The following FSTL5 variants were observed in gnomAD, a reference collection of about 807,000 sequenced individuals.
FSTL5 encodes the protein follistatin-related protein 5.
Under a neutral mutation model 89.1 loss-of-function variants are expected in FSTL5, and 62 were observed. That is an observed-to-expected ratio of 0.70 (90% CI 0.57 to 0.86). The LOEUF (loss-of-function observed/expected upper bound fraction) is 0.86. Among genes scored for constraint, FSTL5 ranks in the 40% least tolerant of loss-of-function variants. The pLI, the probability that FSTL5 is intolerant of heterozygous loss-of-function variation, is 0.00. For missense variants in FSTL5, 1,057 were observed against 1,001.6 expected (o/e 1.06, Z -0.75); for synonymous variants, 383 against 346.2 (o/e 1.11, Z -1.18).
intron 8 of FSTL5, among the ~76,000 whole-genome samples, chr4:161,560,001 A>G (rs1732534493): frequency 6.6e-6 from 1 of 151,774 alleles, no homozygotes; most frequent in African/African-American, 2.4e-5. Flanking sequence ...AATGCAGCCC[A>G]ACACAAATTT....
At chr4:162,015,856 A>C (rs527416738) in intron 3 of FSTL5, among the ~76,000 whole-genome samples, 64 of 152,312 alleles carry the variant, frequency 4.2e-4, no homozygotes, top group African/African-American at 1.4e-3. Flanking sequence ...AGTTTAATTG[A>C]GACAGGAGCT....
chr4:161,994,554 AC>A (rs1472099259), intron 3 of FSTL5, among the ~76,000 whole-genome samples: 1 of 151,994 alleles, frequency 6.6e-6, no homozygotes, highest in African/African-American at 2.4e-5. Flanking sequence ...TTATTTTTTG[AC>A]TTTTTAATAA....
chr4:161,955,555 G>A (rs1190805279), intron 3 of FSTL5, among the ~76,000 whole-genome samples: 3 of 151,784 alleles, frequency 2.0e-5, no homozygotes, highest in African/African-American at 7.2e-5. Context: ...CTCCTCATAT[G>A]TTTCAATACT....
chr4:161,944,908 C>G (rs1177390896), intron 3 of FSTL5, among the ~76,000 whole-genome samples: 1 of 151,222 alleles, frequency 6.6e-6, no homozygotes, highest in African/African-American at 2.4e-5. Flanking sequence ...TTATAATATT[C>G]AAAGGCCCCT....
intron 7 of FSTL5, among the ~76,000 whole-genome samples, chr4:161,601,787 C>T (rs1734246155): frequency 6.6e-6 from 1 of 152,010 alleles, no homozygotes; most frequent in African/African-American, 2.4e-5. Flanking sequence ...ATCATAGTGG[C>T]TAACAAAACC....
At chr4:161,769,372 A>G (rs1741128829) in intron 5 of FSTL5, among the ~76,000 whole-genome samples, 1 of 151,956 alleles carries the variant, frequency 6.6e-6, no homozygotes, top group Non-Finnish European at 1.5e-5. Flanking sequence ...AACCAGAAAA[A>G]GGTATATCAA....
chr4:161,963,166 CT>C (rs1191899252), intron 3 of FSTL5, among the ~76,000 whole-genome samples: 3 of 151,516 alleles, frequency 2.0e-5, no homozygotes, highest in African/African-American at 4.8e-5. Context: ...ACAGTTACTG[CT>C]TTTTTTTCAC....
At chr4:161,527,070 A>T (rs1386976697) in intron 10 of FSTL5, among the ~76,000 whole-genome samples, 2 of 152,172 alleles carry the variant, frequency 1.3e-5, no homozygotes, top group Non-Finnish European at 2.9e-5. Context: ...CTTCCTACCC[A>T]TGAGCAAGGA....
At chr4:161,490,831 C>G (rs1383195695) in intron 12 of FSTL5, among the ~76,000 whole-genome samples, 1 of 152,020 alleles carries the variant, frequency 6.6e-6, no homozygotes, top group African/African-American at 2.4e-5. Flanking sequence ...TGATTTCTTA[C>G]AGTTATGTGG....
intron 7 of FSTL5, among the ~76,000 whole-genome samples, chr4:161,654,877 T>C (rs1001412883): frequency 1.3e-5 from 2 of 152,148 alleles, no homozygotes; most frequent in Non-Finnish European, 1.5e-5. Context: ...TAGGATAATG[T>C]TCACTTTTTG....
At chr4:161,989,725 T>C (rs1222958506) in intron 3 of FSTL5, among the ~76,000 whole-genome samples, 1 of 152,100 alleles carries the variant, frequency 6.6e-6, no homozygotes, top group Non-Finnish European at 1.5e-5. Flanking sequence ...AGAGGTTGCA[T>C]TGGGAAGTTT....
At chr4:162,065,203 AT>A (rs962669672) in intron 2 of FSTL5, among the ~76,000 whole-genome samples, 1 of 151,986 alleles carries the variant, frequency 6.6e-6, no homozygotes, top group Non-Finnish European at 1.5e-5. Flanking sequence ...CTTGGCAATG[AT>A]TTTTTAGGGT....
intron 4 of FSTL5, among the ~76,000 whole-genome samples, chr4:161,879,972 T>C (rs1732574215): frequency 6.6e-6 from 1 of 152,208 alleles, no homozygotes; most frequent in South Asian, 2.1e-4. Flanking sequence ...AAATGTTAAT[T>C]TGAATTACTA....
At chr4:161,916,247 A>AC (rs1253593157) in intron 4 of FSTL5, among the ~76,000 whole-genome samples, 1 of 152,168 alleles carries the variant, frequency 6.6e-6, no homozygotes, top group Non-Finnish European at 1.5e-5. Flanking sequence ...AAATAGCAGA[A>AC]GGGTTTCTGT....
intron 10 of FSTL5, 92 bp downstream of exon 10, chr4:161,538,072 TCA>T (rs1227398640): frequency 7.7e-6 from 9 of 1,167,428 alleles, no homozygotes; most frequent in South Asian, 7.3e-5. Flanking sequence ...ATTGTGCAAT[TCA>T]CAGTTTTCTG....
intron 6 of FSTL5, among the ~76,000 whole-genome samples, chr4:161,702,437 C>A (rs1285946137): frequency 6.6e-6 from 1 of 152,060 alleles, no homozygotes; most frequent in Non-Finnish European, 1.5e-5. Flanking sequence ...TAGATAATGG[C>A]ACATTAATGG....
At chr4:161,790,496 C>G (rs1729433017) in intron 4 of FSTL5, among the ~76,000 whole-genome samples, 1 of 152,180 alleles carries the variant, frequency 6.6e-6, no homozygotes, top group Admixed American at 6.5e-5. Context: ...TACAGTGTTA[C>G]AGTAACTCTC....
chr4:161,674,908 G>A (rs1474116453), intron 6 of FSTL5, among the ~76,000 whole-genome samples: 2 of 152,020 alleles, frequency 1.3e-5, no homozygotes, highest in Admixed American at 6.6e-5. Context: ...CACACTTCGG[G>A]GGCTCCACTG....
intron 2 of FSTL5, 118 bp from the exon 3 acceptor site, chr4:162,033,776 G>T (rs543402893): frequency 1.8e-6 from 1 of 554,144 alleles, no homozygotes; most frequent in Non-Finnish European, 3.1e-6. Flanking sequence ...CCAGGAACAT[G>T]ATTCTCGCCT....
Sources: allele counts gnomAD v4.1 joint callset (sites outside exome capture counted in the v4.1 genomes callset), GRCh38; gene constraint gnomAD v4.1.1; transcripts MANE v1.5; gene names NCBI Gene and HGNC (gene_info 2026-07-23, HGNC 2026-07-21).